The following WWOX variants were observed in gnomAD, a reference collection of about 807,000 sequenced individuals.
WWOX encodes WW domain-containing oxidoreductase.
WWOX carries 69 observed loss-of-function variants against 46.2 expected under a neutral mutation model. That is an observed-to-expected ratio of 1.49 (90% confidence interval 1.23 to 1.82). The LOEUF (loss-of-function observed/expected upper bound fraction) is 1.82. Among genes scored for constraint, WWOX ranks in the 40% most tolerant of loss-of-function variants. The probability of loss-of-function intolerance (pLI) is 0.00; values close to 1 mark genes in which losing one functional copy is unlikely to be tolerated. For missense variants in WWOX, 919 were observed against 542.6 expected (o/e 1.69, Z -6.89); for synonymous variants, 359 against 202.6 (o/e 1.77, Z -6.56).
intron 8 of WWOX, chr16:79,101,577 C>A (rs975428613): frequency 6.6e-6 from 1 of 151,966 alleles, no homozygotes; most frequent in Admixed American, 6.6e-5. Context: ...ATCTAGCATC[C>A]CTGGTGAATC....
chr16:79,037,549 G>C (rs1038794604), intron 8 of WWOX, among the ~76,000 whole-genome samples: 2 of 152,146 alleles, frequency 1.3e-5, no homozygotes, highest in African/African-American at 4.8e-5. Flanking sequence ...GAGTGACAGA[G>C]ACCACATTTA....
intron 5 of WWOX, among the ~76,000 whole-genome samples, chr16:78,300,634 T>C (rs1370707137): frequency 6.6e-6 from 1 of 152,200 alleles, no homozygotes; most frequent in Admixed American, 6.5e-5. Flanking sequence ...GGCTTGACTT[T>C]TTCGGGAAAT....
chr16:79,093,756 C>G (rs1370985276), intron 8 of WWOX, among the ~76,000 whole-genome samples: 1 of 152,188 alleles, frequency 6.6e-6, no homozygotes, highest in East Asian at 1.9e-4. Context: ...ACTTGTTCCT[C>G]TTCTCCAATC....
At chr16:78,893,364 G>A (rs1377593943) in intron 8 of WWOX, among the ~76,000 whole-genome samples, 1 of 152,056 alleles carries the variant, frequency 6.6e-6, no homozygotes, top group African/African-American at 2.4e-5. Context: ...AATCCAAGAG[G>A]CTGTCATACC....
intron 8 of WWOX, among the ~76,000 whole-genome samples, chr16:78,537,644 ATGT>A (rs1369238276): frequency 5.3e-5 from 8 of 152,066 alleles, no homozygotes; most frequent in Admixed American, 2.0e-4. Context: ...CTTGGTTGTG[ATGT>A]TGTTGTTGTG....
intron 5 of WWOX, among the ~76,000 whole-genome samples, chr16:78,324,214 G>A (rs1030464074): frequency 2.0e-5 from 3 of 152,082 alleles, no homozygotes; most frequent in Non-Finnish European, 4.4e-5. Context: ...TGGCAGTGAG[G>A]TGGTGGCTTC....
chr16:78,168,310 CA>C (rs1191826120), intron 5 of WWOX: 1 of 152,210 alleles, frequency 6.6e-6, no homozygotes, highest in African/African-American at 2.4e-5. Context: ...GCCTTTTAGC[CA>C]GCAGAATGCT....
chr16:78,387,260 G>C (rs190184149), intron 6 of WWOX, among the ~76,000 whole-genome samples: 3 of 152,172 alleles, frequency 2.0e-5, no homozygotes, highest in Admixed American at 2.0e-4. Flanking sequence ...ATTTTTTGTA[G>C]TGCATTTCAG....
chr16:78,569,087 G>T (rs2044649449), intron 8 of WWOX, among the ~76,000 whole-genome samples: 1 of 152,140 alleles, frequency 6.6e-6, no homozygotes, highest in African/African-American at 2.4e-5. Flanking sequence ...TCTGTCTGAG[G>T]AACACTCAGG....
chr16:79,186,615 G>A (rs2051020637), intron 8 of WWOX, among the ~76,000 whole-genome samples: 2 of 152,082 alleles, frequency 1.3e-5, no homozygotes, highest in African/African-American at 4.8e-5. Flanking sequence ...ACATTCTGAG[G>A]CAATGGCGGT....
At chr16:78,642,016 A>T (rs1048505798) in intron 8 of WWOX, among the ~76,000 whole-genome samples, 1 of 152,206 alleles carries the variant, frequency 6.6e-6, no homozygotes, top group Non-Finnish European at 1.5e-5. Flanking sequence ...AAAAAGAAGA[A>T]AAACAGCAAC....
At chr16:78,789,412 T>A (rs2050538924) in intron 8 of WWOX, among the ~76,000 whole-genome samples, 1 of 152,316 alleles carries the variant, frequency 6.6e-6, no homozygotes, top group Non-Finnish European at 1.5e-5. Flanking sequence ...GATAATTCTT[T>A]CTCTATTAAA....
At chr16:79,142,263 G>T (rs188830507) in intron 8 of WWOX, among the ~76,000 whole-genome samples, 7 of 152,300 alleles carry the variant, frequency 4.6e-5, no homozygotes, top group African/African-American at 1.7e-4. Flanking sequence ...ATTCCTGGTA[G>T]TGACGGGTGC....
At chr16:78,529,992 G>T (rs1427940350) in intron 8 of WWOX, among the ~76,000 whole-genome samples, 1 of 152,196 alleles carries the variant, frequency 6.6e-6, no homozygotes, top group African/African-American at 2.4e-5. Flanking sequence ...GTGGAGTGCG[G>T]ATGCTGGAAC....
At chr16:78,426,944 G>C (rs1350912426) in intron 7 of WWOX, among the ~76,000 whole-genome samples, 1 of 152,208 alleles carries the variant, frequency 6.6e-6, no homozygotes, top group Non-Finnish European at 1.5e-5. Flanking sequence ...TTACAGGCGT[G>C]AGCCACCACG....
At chr16:79,014,054 G>C (rs1336989400) in intron 8 of WWOX, among the ~76,000 whole-genome samples, 2 of 152,198 alleles carry the variant, frequency 1.3e-5, no homozygotes, top group East Asian at 1.9e-4. Flanking sequence ...CAATTCCTGA[G>C]AGCCGCTGGG....
intron 8 of WWOX, among the ~76,000 whole-genome samples, chr16:78,854,840 C>G (rs2052530299): frequency 6.6e-6 from 1 of 152,060 alleles, no homozygotes; most frequent in African/African-American, 2.4e-5. Flanking sequence ...CCTCGGCCTC[C>G]CAAAGTGCTG....
intron 8 of WWOX, among the ~76,000 whole-genome samples, chr16:78,811,353 T>A (rs2051183118): frequency 6.6e-6 from 1 of 152,202 alleles, no homozygotes; most frequent in Admixed American, 6.5e-5. Context: ...ACTAGTATAT[T>A]TATGTCACTA....
chr16:78,307,784 G>A (rs1306106244), intron 5 of WWOX, among the ~76,000 whole-genome samples: 1 of 152,138 alleles, frequency 6.6e-6, no homozygotes, highest in African/African-American at 2.4e-5. Context: ...TTTCATGGGA[G>A]GTTTTGCAGA....
Sources: allele counts gnomAD v4.1 joint callset (sites outside exome capture counted in the v4.1 genomes callset), GRCh38; gene constraint gnomAD v4.1.1; transcripts MANE v1.5; gene names NCBI Gene and HGNC (gene_info 2026-07-23, HGNC 2026-07-21).